The following GON4L variants were observed in gnomAD, a reference collection of about 807,000 sequenced individuals.
GON4L encodes the protein gon-4 like, also known as GON-4-like protein.
Under a neutral mutation model 211.8 loss-of-function variants are expected in GON4L, and 87 were observed. The ratio of observed to expected loss-of-function variants is 0.41; its 90% CI spans 0.35 to 0.49. The LOEUF (loss-of-function observed/expected upper bound fraction) is 0.49. Ranked by LOEUF, GON4L falls within the 20% of genes least tolerant of loss-of-function variation. The pLI is 0.15. For synonymous variants in GON4L, 875 were observed against 962.6 expected (o/e 0.91, Z 1.68); for missense variants, 2,155 against 2,659.5 (o/e 0.81, Z 4.17).
At chr1:155,776,149 G>A (rs1182399251) in intron 16 of GON4L, among the ~76,000 whole-genome samples, 4 of 152,096 alleles carry the variant, frequency 2.6e-5, no homozygotes, top group Admixed American at 2.0e-4. Flanking sequence ...AAGATGAGGA[G>A]GATTCAATAA....
intron 14 of GON4L, among the ~76,000 whole-genome samples, chr1:155,779,702 G>A (rs1184398095): frequency 2.6e-5 from 4 of 152,180 alleles, no homozygotes; most frequent in Non-Finnish European, 5.9e-5. Context: ...CTGACATGCT[G>A]GGTTTTTGAA....
At chr1:155,832,303 GAAAGAAAAAA>G (rs1669870237) in intron 2 of GON4L, among the ~76,000 whole-genome samples, 5 of 102,660 alleles carry the variant, frequency 4.9e-5, no homozygotes, top group South Asian at 3.1e-4. Flanking sequence ...AAAAAAAAAA[GAAAGAAAAAA>G]AAAGAAAAAA....
At chr1:155,822,233 C>T (rs1668799356) in intron 4 of GON4L, 53 bp downstream of exon 4, 6 of 1,414,882 alleles carry the variant, frequency 4.2e-6, no homozygotes, top group Non-Finnish European at 6.0e-6. Flanking sequence ...TTTTTATATG[C>T]TTTCCATGAA....
Position 155,754,358 on chromosome 1 carries a change from C to T in GON4L, c.5631+17G>A, listed in dbSNP as rs1660931456. 2.7e-6 allele frequency: 4 copies of T among 1,494,174 alleles called. No individual in the cohort carries two copies. Among genetic ancestry groups the T allele is most frequent in the African/African-American group, 1.4e-5 (1 of 72,572 alleles). 92.6% of individuals were successfully genotyped at this position (1,494,174 alleles called of 1,614,324 possible). On this transcript the variant is annotated intron_variant, in intron 28 of 31. Transcript: ENST00000368331. ...CAGCAGCTCTGATACCCTCGGGACC[C>T]TTGATACTTTCCTCACCTTGCTGCT...
intron 14 of GON4L, among the ~76,000 whole-genome samples, chr1:155,783,700 C>T (rs969566090): frequency 6.6e-6 from 1 of 152,210 alleles, no homozygotes; most frequent in African/African-American, 2.4e-5. Flanking sequence ...TGGCTGGCCA[C>T]ATTGAGTCCT....
intron 3 of GON4L, among the ~76,000 whole-genome samples, chr1:155,824,175 C>A (rs1336822661): frequency 6.6e-6 from 1 of 151,718 alleles, no homozygotes; most frequent in Non-Finnish European, 1.5e-5. Flanking sequence ...TGTGACCCAG[C>A]ACTTTGGGAA....
intron 21 of GON4L, among the ~76,000 whole-genome samples, chr1:155,763,915 A>G (rs1370417684): frequency 6.6e-6 from 1 of 151,526 alleles, no homozygotes; most frequent in African/African-American, 2.4e-5. Flanking sequence ...AGGCATGAGA[A>G]TTGCTTGAAC....
intron 11 of GON4L, among the ~76,000 whole-genome samples, chr1:155,803,247 CTT>C (rs1017161138): frequency 1.1e-4 from 15 of 141,060 alleles, no homozygotes; most frequent in Non-Finnish European, 9.4e-5. Context: ...ATTTCTTTTT[CTT>C]TTTTTTTTTT....
intron 21 of GON4L, 100 bp downstream of exon 21, chr1:155,764,900 T>C (rs777246189): frequency 1.9e-6 from 3 of 1,601,844 alleles, no homozygotes; most frequent in South Asian, 1.1e-5. Context: ...CAAATGATTT[T>C]AGGACTATCC....
intron 3 of GON4L, among the ~76,000 whole-genome samples, chr1:155,825,906 G>A (rs941930449): frequency 1.5e-4 from 23 of 151,984 alleles, no homozygotes; most frequent in Non-Finnish European, 3.2e-4. Context: ...AGCTGGGCAT[G>A]ATGGCAGGTG....
intron 10 of GON4L, among the ~76,000 whole-genome samples, chr1:155,813,225 A>G (rs1392017267): frequency 6.6e-6 from 1 of 152,156 alleles, no homozygotes; most frequent in East Asian, 1.9e-4. Context: ...TGAGCCCAGG[A>G]GTTCAATACC....
At chr1:155,764,879 C>T (rs1403633199) in intron 21 of GON4L, 121 bp downstream of exon 21, 9 of 1,581,272 alleles carry the variant, frequency 5.7e-6, no homozygotes, top group African/African-American at 2.7e-5. Flanking sequence ...AATGCATTCA[C>T]AAATCAAATA....
downstream of GON4L, among the ~76,000 whole-genome samples, chr1:155,745,614 G>A (rs1412039097): frequency 2.0e-5 from 3 of 152,202 alleles, no homozygotes; most frequent in Non-Finnish European, 4.4e-5. Context: ...GGCCCGTGGA[G>A]CCCCGCCTCT....
intron 2 of GON4L, among the ~76,000 whole-genome samples, chr1:155,841,822 G>T (rs996139353): frequency 6.6e-6 from 1 of 152,060 alleles, no homozygotes; most frequent in Admixed American, 6.5e-5. Context: ...GAGGTTAGGA[G>T]TTGGAGACTA....
chr1:155,795,597 C>A (rs1438007144), intron 11 of GON4L, among the ~76,000 whole-genome samples: 2 of 152,008 alleles, frequency 1.3e-5, no homozygotes, highest in Non-Finnish European at 2.9e-5. Flanking sequence ...GCAAACATGA[C>A]TCTCAAAGGG....
In GON4L at chr1:155,765,202, A is replaced by G. The variant is rs754925118; in HGVS notation, c.4271T>C (p.Leu1424Pro). The G allele has an allele frequency of 6.2e-6, 10 of 1,614,166 alleles. No homozygotes were observed. The South Asian group carries it at 1.1e-4, about 18-fold the overall frequency. ...TTCTGGCTTCCCTGGGGGGCTACTAAGCCTCACTTCAGGATCCATTGAGGA... is the reference window on the plus strand; with the variant it reads ...TTCTGGCTTCCCTGGGGGGCTACTAGGCCTCACTTCAGGATCCATTGAGGA... The part of the protein sequence containing the change: ...ALSSMDPEVR[L>P]SSPPGKPEDS... The change falls in exon 21 of 32, where the codon CTT becomes CCT. Residue 1424 changes from leucine (L) to proline (P), a missense_variant. This residue lies in a region of GON4L where 615 missense variants were observed against 625.7 expected (regional missense o/e 0.98). Coordinates refer to ENST00000368331, the MANE Select transcript of GON4L (RefSeq NM_001282860.2).
chr1:155,792,134 A>G (rs1185331382), intron 12 of GON4L, among the ~76,000 whole-genome samples: 10 of 152,180 alleles, frequency 6.6e-5, no homozygotes, highest in Admixed American at 6.6e-4. Context: ...GAAGGTATAC[A>G]AACAGGACTA....
intron 10 of GON4L, among the ~76,000 whole-genome samples, chr1:155,812,879 C>T (rs1667919084): frequency 6.6e-6 from 1 of 152,112 alleles, no homozygotes; most frequent in Admixed American, 6.5e-5. Context: ...TTGATTAACA[C>T]TATTATACTG....
downstream of GON4L, chr1:155,748,052 C>T: frequency 6.2e-7 from 1 of 1,607,074 alleles, no homozygotes; most frequent in Non-Finnish European, 8.5e-7. Flanking sequence ...CAGCTCTCGT[C>T]TGCCCCTTGT....
Sources: allele counts gnomAD v4.1 joint callset (sites outside exome capture counted in the v4.1 genomes callset), GRCh38; gene constraint gnomAD v4.1.1; regional missense constraint gnomAD v4.1.1; transcripts MANE v1.5; gene names NCBI Gene and HGNC (gene_info 2026-07-23, HGNC 2026-07-21).